The following WDR86 variants were observed in gnomAD, a reference collection of about 807,000 sequenced individuals.
WDR86 encodes WD repeat domain 86.
A neutral mutation model predicts 36.5 loss-of-function variants in WDR86; 30 were observed. The ratio of observed to expected loss-of-function variants is 0.82; its 90% CI spans 0.61 to 1.11. WDR86 has a LOEUF of 1.11. WDR86 is among the 50% of genes most tolerant of loss of function. The probability of loss-of-function intolerance (pLI) is 0.00; values close to 1 mark genes in which losing one functional copy is unlikely to be tolerated. For missense variants in WDR86, 545 were observed against 561.2 expected (o/e 0.97, Z 0.29); for synonymous variants, 255 against 252.9 (o/e 1.01, Z -0.08).
At position 151,381,771 on chromosome 7, in the gene WDR86, C is replaced by T. The variant is rs753600213; in HGVS notation, c.967-25G>A. On this transcript the variant is annotated intron_variant, in intron 5 of 5. Transcript: ENST00000334493. The surrounding 1 kb of genome is among the most constrained non-coding windows in gnomAD (Gnocchi z 4.8). ...CCTGCGGGCGCAGGGGCGGGCGTCACCGGTGACGCGGTAGGCGGGGGGGAC... is the reference window on the plus strand; with the variant it reads ...CCTGCGGGCGCAGGGGCGGGCGTCATCGGTGACGCGGTAGGCGGGGGGGAC... The T allele has an allele frequency of 2.7e-6, 4 of 1,488,278 alleles. No homozygotes were observed. In the East Asian group the frequency reaches 1.0e-4, roughly 37 times the overall value. 92.2% of individuals were successfully genotyped at this position (1,488,278 alleles called of 1,614,324 possible).
chr7:151,381,717 C>G lies in WDR86; in HGVS notation c.996G>C (p.Ser332=), dbSNP rs545519741. 1 of 1,498,058 alleles carries G rather than the reference C, an allele frequency of 6.7e-7. No individual in the cohort carries two copies. The allele number at this position is 1,498,058 out of a possible 1,614,324, so 92.8% of individuals were successfully genotyped here. A position where few individuals can be genotyped will look rare whatever the true frequency, so the allele number is the denominator to read the frequency against. ...CCCAGAGGCGCAGGGCGCCGTCGTG[C>G]GAGGCGGTGTAGAGCACCTGGCCGT... ...QVHGQVLYTA[S]HDGALRLWDV... is the part of the protein sequence containing the mutation. The change falls in exon 6 of 6, where the codon TCG becomes TCC. Residue 332 remains serine (S), a synonymous_variant. Coordinates refer to ENST00000334493, the MANE Select transcript of WDR86 (RefSeq NM_198285.3). The surrounding 1 kb of genome is among the most constrained non-coding windows in gnomAD (Gnocchi z 4.8).
At chr7:151,389,657 G>A (rs1799269890) in intron 3 of WDR86, among the ~76,000 whole-genome samples, 1 of 152,212 alleles carries the variant, frequency 6.6e-6, no homozygotes. Flanking sequence ...CACAGGGCAG[G>A]GGCTGTGTGA....
intron 1 of WDR86, among the ~76,000 whole-genome samples, chr7:151,407,785 G>A (rs1161965162): frequency 6.6e-6 from 1 of 152,166 alleles, no homozygotes; most frequent in Non-Finnish European, 1.5e-5. Context: ...AGGTTGCAGT[G>A]AGCCAAGATC....
chr7:151,382,937 C>T (rs1798704903), intron 4 of WDR86, among the ~76,000 whole-genome samples: 1 of 151,264 alleles, frequency 6.6e-6, no homozygotes, highest in South Asian at 2.1e-4. Flanking sequence ...TGCTGGGCTA[C>T]CTATCTATCT....
chr7:151,387,390 T>C (rs2150766971), intron 3 of WDR86, among the ~76,000 whole-genome samples: 1 of 152,104 alleles, frequency 6.6e-6, no homozygotes, highest in East Asian at 1.9e-4. Flanking sequence ...CTGCCGAACA[T>C]GAGCCAGAGC....
chr7:151,371,157 ATGT>A (rs1451848187), downstream of WDR86, among the ~76,000 whole-genome samples: 1 of 152,216 alleles, frequency 6.6e-6, no homozygotes, highest in East Asian at 1.9e-4. Context: ...CACCCAACAG[ATGT>A]TGTTAGTTAC....
rs190826451 is a variant in WDR86, at chr7:151,405,088, G to A, written c.163+4339C>T. Among the ~76,000 whole-genome samples, 25 of 152,316 alleles carry A rather than the reference G, an allele frequency of 1.6e-4. No individual in the cohort carries two copies. The East Asian group carries it at 3.9e-3, about 24-fold the overall frequency. On this transcript the variant is annotated intron_variant, in intron 1 of 5. Transcript: ENST00000334493. The surrounding 1 kb of genome is among the most constrained non-coding windows in gnomAD (Gnocchi z 4.7). ...TGGGGGAGGCCCCACTGAGCCTGCT[G>A]TCCAGGACTGAGCCTTCCTCTGCTC... is the stretch of plus-strand genomic sequence containing the variant.
chr7:151,397,584 G>T (rs2150820809), intron 2 of WDR86, among the ~76,000 whole-genome samples: 1 of 148,274 alleles, frequency 6.7e-6, no homozygotes, highest in Admixed American at 6.8e-5. Context: ...TAAAGGAAAT[G>T]ATGCCTTGAT....
chr7:151,400,626 G>T (rs1273270103), intron 1 of WDR86, among the ~76,000 whole-genome samples: 2 of 152,188 alleles, frequency 1.3e-5, no homozygotes, highest in East Asian at 1.9e-4. Flanking sequence ...CAAGTGATCT[G>T]CCTGCCTTGG....
chr7:151,369,853 A>G, the WDR86 span, among the ~76,000 whole-genome samples: 2 of 152,196 alleles, frequency 1.3e-5, no homozygotes, highest in African/African-American at 4.8e-5. Flanking sequence ...ATCCTGAAGG[A>G]AAAAAGCAGC....
intron 3 of WDR86, among the ~76,000 whole-genome samples, chr7:151,386,646 G>A (rs781441681): frequency 4.6e-5 from 7 of 152,186 alleles, no homozygotes; most frequent in Non-Finnish European, 8.8e-5. Flanking sequence ...CACAGTTCCT[G>A]CCAGTAATGC....
At chr7:151,385,043 A>C in intron 4 of WDR86, 45 bp downstream of exon 4, 2 of 1,537,340 alleles carry the variant, frequency 1.3e-6, no homozygotes, top group South Asian at 2.5e-5. Context: ...AGAGAGGAGA[A>C]GCCAGGCTGG....
chr7:151,393,697 G>C (rs952301913), intron 3 of WDR86, among the ~76,000 whole-genome samples: 2 of 152,096 alleles, frequency 1.3e-5, no homozygotes, highest in African/African-American at 4.8e-5. Flanking sequence ...CCAGGTAGGG[G>C]GGGTCTCAGC....
intron 4 of WDR86, among the ~76,000 whole-genome samples, chr7:151,382,756 C>T (rs1798692068): frequency 1.3e-5 from 2 of 152,188 alleles, no homozygotes; most frequent in African/African-American, 4.8e-5. Flanking sequence ...TTGATGCAGA[C>T]AGTTCACCTG....
downstream of WDR86, among the ~76,000 whole-genome samples, chr7:151,380,929 T>C (rs1384189239): frequency 6.6e-6 from 1 of 152,072 alleles, no homozygotes; most frequent in Non-Finnish European, 1.5e-5. Context: ...CTCCCCGGCC[T>C]CTTCCCCATC....
At chr7:151,395,369 C>T (rs1000282152) in intron 3 of WDR86, among the ~76,000 whole-genome samples, 1 of 152,218 alleles carries the variant, frequency 6.6e-6, no homozygotes, top group Non-Finnish European at 1.5e-5. Flanking sequence ...CAGCCCTACC[C>T]CACCCCTGTA....
At chr7:151,372,926 G>A (rs77529903), downstream of WDR86, among the ~76,000 whole-genome samples, 381 of 152,316 alleles carry the variant, frequency 2.5e-3, 1 homozygote, top group African/African-American at 8.7e-3. Flanking sequence ...AGGTTCTCCT[G>A]TGATAGAGAC....
Position 151,409,997 on chromosome 7 carries a change from A to G in WDR86, c.-408T>C, listed in dbSNP as rs1216168314. ...GCGGGGAGAGGAACACGGGAAGCCG[A>G]GCGCCCCGCGCCCTCCCCGGCCGAG... On this transcript the variant is annotated 5_prime_UTR_variant, in exon 1 of 6. Transcript: ENST00000334493. The surrounding 1 kb of genome is among the most constrained non-coding windows in gnomAD (Gnocchi z 5.2). 2.0e-6 allele frequency: 2 copies of G among 1,000,112 alleles called. No homozygotes were observed. The highest frequency in any genetic ancestry group is 2.4e-6 in the Non-Finnish European group (2 of 840,286). 62.0% of individuals were successfully genotyped at this position (1,000,112 alleles called of 1,614,324 possible). A position where few individuals can be genotyped will look rare whatever the true frequency, so the allele number is the denominator to read the frequency against.
At chr7:151,376,425 T>A (rs781243823), downstream of WDR86, 11 of 559,284 alleles carry the variant, frequency 2.0e-5, no homozygotes, top group Non-Finnish European at 3.1e-5. Flanking sequence ...AGATGGCTGC[T>A]CCCTGACGCA....
Sources: gnomAD v4.1 joint callset for allele counts (sites outside exome capture counted in the v4.1 genomes callset) on GRCh38, gnomAD v4.1.1 for gene constraint, Gnocchi (gnomAD v3.1) non-coding constraint, MANE v1.5 for transcripts, NCBI Gene and HGNC (gene_info 2026-07-23, HGNC 2026-07-21) for gene names.